USP25: variants seen among roughly 807,000 people sequenced by gnomAD.
The protein encoded by USP25 is ubiquitin specific peptidase 25, also known as ubiquitin carboxyl-terminal hydrolase 25.
USP25 carries 85 observed loss-of-function variants against 158.5 expected under a neutral mutation model. The observed-to-expected ratio is 0.54, with a 90% CI of 0.45 to 0.64. The LOEUF (loss-of-function observed/expected upper bound fraction) is 0.64. Ranked by LOEUF, USP25 falls within the 30% of genes least tolerant of loss-of-function variation. The probability of loss-of-function intolerance (pLI) is 0.00; values close to 1 mark genes in which losing one functional copy is unlikely to be tolerated. For missense variants in USP25, 1,242 were observed against 1,327.3 expected (o/e 0.94, Z 1.00); for synonymous variants, 464 against 460.4 (o/e 1.01, Z -0.10).
chr21:15,795,924 C>T (rs771983575), intron 5 of USP25, among the ~76,000 whole-genome samples: 2 of 151,466 alleles, frequency 1.3e-5, no homozygotes, highest in Non-Finnish European at 3.0e-5. Context: ...GCTTCTCAGT[C>T]TTCTCCACTG....
intron 5 of USP25, among the ~76,000 whole-genome samples, chr21:15,798,318 C>G (rs2035962257): frequency 6.6e-6 from 1 of 151,256 alleles, no homozygotes; most frequent in South Asian, 2.1e-4. Context: ...CCTGACACAG[C>G]TATTTTTTAA....
chr21:15,825,695 C>T (rs182472030), intron 12 of USP25, among the ~76,000 whole-genome samples: 89 of 152,254 alleles, frequency 5.8e-4, no homozygotes, highest in African/African-American at 2.1e-3. Context: ...AGTTTGCAAA[C>T]CCCAATCTGC....
At chr21:15,748,899 TGTC>T (rs1369779167) in intron 1 of USP25, among the ~76,000 whole-genome samples, 2 of 152,226 alleles carry the variant, frequency 1.3e-5, no homozygotes, top group Non-Finnish European at 2.9e-5. Context: ...TTATTTCTGT[TGTC>T]AACTATACTG....
chr21:15,793,543 G>C (rs1198203017), intron 5 of USP25, among the ~76,000 whole-genome samples: 2 of 151,216 alleles, frequency 1.3e-5, no homozygotes. Flanking sequence ...AATTGTACTA[G>C]TTTTAAAATT....
At chr21:15,874,796 T>G (rs372297895) in intron 24 of USP25, among the ~76,000 whole-genome samples, 8 of 152,218 alleles carry the variant, frequency 5.3e-5, no homozygotes, top group Admixed American at 3.3e-4. Flanking sequence ...GATTTCGTCA[T>G]CACACTACCA....
At chr21:15,824,253 C>A in intron 11 of USP25, 87 bp downstream of exon 11, 1 of 1,503,262 alleles carries the variant, frequency 6.7e-7, no homozygotes. Flanking sequence ...GCATAATTTT[C>A]TTAGAATTAA....
Position 15,835,438 on chromosome 21 carries a change from T to A in USP25, c.2194+1890T>A, listed in dbSNP as rs186334922. Among the ~76,000 whole-genome samples the A allele has an allele frequency of 6.3e-3, 945 of 150,796 alleles. 6 individuals are homozygous for A. The highest frequency in any genetic ancestry group is 0.022 in the African/African-American group (914 of 41,428). On this transcript the variant is annotated intron_variant, in intron 17 of 25. Coordinates refer to ENST00000400183, the MANE Select transcript of USP25 (RefSeq NM_001283041.3). Reference sequence around the variant, plus strand: ...CCCCATCCTCATTTTACATTTGTCATCTTTTTTCTTTCTCTGTGAAAAGAC... The same window carrying A: ...CCCCATCCTCATTTTACATTTGTCAACTTTTTTCTTTCTCTGTGAAAAGAC...
At chr21:15,868,208 C>G (rs1280502310) in intron 22 of USP25, among the ~76,000 whole-genome samples, 2 of 152,106 alleles carry the variant, frequency 1.3e-5, no homozygotes, top group East Asian at 1.9e-4. Flanking sequence ...TAGGTAGAAG[C>G]CCAAAGACAT....
At position 15,849,796 on chromosome 21, in the gene USP25, T is replaced by C; in HGVS notation, c.2471T>C (p.Met824Thr). The C allele has an allele frequency of 6.5e-7, 1 of 1,540,420 alleles. No homozygotes were observed. ...TGGCAGATCATGATGACACCGAACATGCAAGGTATTATCATGGCGATAGGT... is the reference window on the plus strand; with the variant it reads ...TGGCAGATCATGATGACACCGAACACGCAAGGTATTATCATGGCGATAGGT... The part of the protein sequence containing the change: ...YDDEIMMTPN[M>T]QGIIMAIGKS... Residue 824 changes from methionine to threonine, a missense_variant, in exon 20 of 26, where the codon ATG (methionine) becomes ACG (threonine). Coordinates refer to ENST00000400183, the MANE Select transcript of USP25 (RefSeq NM_001283041.3).
chr21:15,845,660 G>A (rs2038549387), intron 18 of USP25, among the ~76,000 whole-genome samples: 1 of 152,084 alleles, frequency 6.6e-6, no homozygotes, highest in African/African-American at 2.4e-5. Context: ...ATAACCATTT[G>A]CTTCAAATTT....
At chr21:15,743,086 A>G (rs578155461) in intron 1 of USP25, among the ~76,000 whole-genome samples, 1 of 152,330 alleles carries the variant, frequency 6.6e-6, no homozygotes, top group African/African-American at 2.4e-5. Context: ...TGCCGCTCAC[A>G]GCTCCCTGAA....
chr21:15,741,715 C>T (rs17241402), intron 1 of USP25, among the ~76,000 whole-genome samples: 5,849 of 152,176 alleles, frequency 0.038, 170 homozygotes, highest in Middle Eastern at 0.14. Context: ...TGCATTCTTC[C>T]AAGTCTTAAA....
At chr21:15,833,581 A>G in intron 17 of USP25, 33 bp downstream of exon 17, 1 of 1,560,604 alleles carries the variant, frequency 6.4e-7, no homozygotes, top group Non-Finnish European at 8.7e-7. Context: ...GTGTTTGATT[A>G]TCAATATTAT....
chr21:15,856,413 A>G (rs909645732), intron 20 of USP25, among the ~76,000 whole-genome samples: 1 of 152,128 alleles, frequency 6.6e-6, no homozygotes, highest in Non-Finnish European at 1.5e-5. Flanking sequence ...ACTGGCTTAC[A>G]TTCAGGCATT....
At chr21:15,852,906 T>C (rs2146498219) in intron 20 of USP25, among the ~76,000 whole-genome samples, 1 of 152,294 alleles carries the variant, frequency 6.6e-6, no homozygotes, top group East Asian at 1.9e-4. Context: ...AATTAATGCA[T>C]GTTTTTGGTA....
Position 15,826,482 on chromosome 21 carries a change from C to T in USP25, c.1466+117C>T. On this transcript the variant is annotated intron_variant, in intron 13 of 25. Coordinates refer to ENST00000400183, the MANE Select transcript of USP25 (RefSeq NM_001283041.3). The surrounding 1 kb of genome is among the most constrained non-coding windows in gnomAD (Gnocchi z 4.8). The stretch of plus-strand genomic sequence containing the variant: ...TGCTTTGATTTACTTCAGTGAACTC[C>T]TAAGAGTAGATTCACTTAGAAGACT... 1.7e-6 allele frequency: 2 copies of T among 1,202,296 alleles called. No homozygotes were observed. Among genetic ancestry groups the T allele is most frequent in the Non-Finnish European group, 2.3e-6 (2 of 855,640 alleles). The allele number at this position is 1,202,296 out of a possible 1,614,324, so 74.5% of individuals were successfully genotyped here. A position where few individuals can be genotyped will look rare whatever the true frequency, so the allele number is the denominator to read the frequency against.
chr21:15,858,822 A>G (rs2146529133), intron 20 of USP25, among the ~76,000 whole-genome samples: 1 of 152,142 alleles, frequency 6.6e-6, no homozygotes, highest in African/African-American at 2.4e-5. Flanking sequence ...ATTAGTAGAT[A>G]AGGGTTTCCA....
intron 17 of USP25, among the ~76,000 whole-genome samples, chr21:15,842,073 A>T (rs1337573574): frequency 1.3e-5 from 2 of 152,154 alleles, no homozygotes; most frequent in Non-Finnish European, 2.9e-5. Flanking sequence ...TGCTGTTCAA[A>T]CCAAATTCTT....
intron 5 of USP25, among the ~76,000 whole-genome samples, chr21:15,794,293 A>G (rs77395531): frequency 0.012 from 1,762 of 151,812 alleles, 33 homozygotes; most frequent in African/African-American, 0.041. Context: ...ACAGAATGTA[A>G]GAAAGGGAAT....
Sources: gnomAD v4.1 joint callset for allele counts (sites outside exome capture counted in the v4.1 genomes callset) on GRCh38, gnomAD v4.1.1 for gene constraint, Gnocchi (gnomAD v3.1) non-coding constraint, MANE v1.5 for transcripts, NCBI Gene and HGNC (gene_info 2026-07-23, HGNC 2026-07-21) for gene names.